NDUFS6: variants seen among roughly 807,000 people sequenced by gnomAD.
The protein encoded by NDUFS6 is NADH dehydrogenase [ubiquinone] iron-sulfur protein 6, mitochondrial.
A neutral mutation model predicts 13.2 loss-of-function variants in NDUFS6; 14 were observed. The observed-to-expected ratio is 1.06, with a 90% CI of 0.70 to 1.66. The LOEUF (loss-of-function observed/expected upper bound fraction) is 1.66. NDUFS6 is among the 40% of genes most tolerant of loss of function. NDUFS6 has a pLI of 0.00. For synonymous variants in NDUFS6, 95 were observed against 72.3 expected (o/e 1.31, Z -1.60); for missense variants, 206 against 170.8 (o/e 1.21, Z -1.15).
At chr5:1,808,263 A>G (rs1734159134) in intron 2 of NDUFS6, among the ~76,000 whole-genome samples, 2 of 152,176 alleles carry the variant, frequency 1.3e-5, no homozygotes, top group East Asian at 1.9e-4. Context: ...GATGTGCGCC[A>G]TGGCTGCTCT....
At chr5:1,803,188 C>A (rs1734076859) in intron 2 of NDUFS6, among the ~76,000 whole-genome samples, 1 of 152,214 alleles carries the variant, frequency 6.6e-6, no homozygotes, top group South Asian at 2.1e-4. Context: ...TTTTGTACGT[C>A]TATTCCAGAG....
At chr5:1,802,066 T>C in intron 1 of NDUFS6, 1 of 507,072 alleles carries the variant, frequency 2.0e-6, no homozygotes, top group Non-Finnish European at 3.5e-6. Flanking sequence ...GGTCAGGATT[T>C]GTCTCTCCTC....
At chr5:1,811,024 TGAA>T (rs1439999408) in intron 2 of NDUFS6, among the ~76,000 whole-genome samples, 1 of 152,222 alleles carries the variant, frequency 6.6e-6, no homozygotes, top group Non-Finnish European at 1.5e-5. Flanking sequence ...ATGATGAGGA[TGAA>T]GACCTTTATG....
At chr5:1,812,689 A>G (rs186104414) in intron 2 of NDUFS6, among the ~76,000 whole-genome samples, 10 of 151,520 alleles carry the variant, frequency 6.6e-5, no homozygotes, top group African/African-American at 1.9e-4. Context: ...TGGTGTTTAG[A>G]GACCACCATG....
chr5:1,807,691 A>G (rs567860747), intron 2 of NDUFS6, among the ~76,000 whole-genome samples: 146 of 152,320 alleles, frequency 9.6e-4, no homozygotes, highest in Middle Eastern at 3.4e-3. Flanking sequence ...CACTCCTCGG[A>G]TCAGCAGTGG....
At chr5:1,811,690 A>G (rs758476611) in intron 2 of NDUFS6, among the ~76,000 whole-genome samples, 9 of 152,206 alleles carry the variant, frequency 5.9e-5, no homozygotes, top group Non-Finnish European at 1.3e-4. Context: ...GTGTTGTTGA[A>G]CATGTCTCTT....
At chr5:1,801,748 C>T (rs1734046997) in intron 1 of NDUFS6, among the ~76,000 whole-genome samples, 199 bp downstream of exon 1, 1 of 152,238 alleles carries the variant, frequency 6.6e-6, no homozygotes, top group Admixed American at 6.5e-5. Context: ...TGGGTCTCGT[C>T]CTTCCAGGGC....
intron 2 of NDUFS6, among the ~76,000 whole-genome samples, chr5:1,807,625 C>T (rs1049664639): frequency 2.6e-5 from 4 of 152,180 alleles, no homozygotes; most frequent in Non-Finnish European, 5.9e-5. Context: ...CACGCGGCAC[C>T]TCCAGAGGCT....
In NDUFS6 at chr5:1,815,961, C is replaced by G. The variant is rs938284928; in HGVS notation, c.*45C>G. On this transcript the variant is annotated 3_prime_UTR_variant, in exon 4 of 4. Coordinates refer to ENST00000274137, the MANE Select transcript of NDUFS6 (RefSeq NM_004553.6). ...GTCCCGCAGCATCCTGTGAGCATTT[C>G]CGCGGGGAAGCTGAGCACGTGAAGC... 5.0e-6 allele frequency: 8 copies of G among 1,605,916 alleles called. No individual in the cohort carries two copies. The highest frequency in any genetic ancestry group is 1.7e-6 in the Non-Finnish European group (2 of 1,172,562).
chr5:1,815,717 C>T, intron 3 of NDUFS6, 134 bp from the exon 4 acceptor site: 1 of 925,992 alleles, frequency 1.1e-6, no homozygotes, highest in Non-Finnish European at 1.7e-6. Flanking sequence ...CGACAGTCTG[C>T]ATTCTTACTT....
At position 1,815,563 on chromosome 5, in the gene NDUFS6, C is replaced by T. The variant is rs114492022; in HGVS notation, c.310-288C>T. Among the ~76,000 whole-genome samples, 1,820 of 152,272 alleles carry T rather than the reference C, an allele frequency of 0.012. 32 individuals carry two copies. Among genetic ancestry groups the T allele is most frequent in the African/African-American group, 0.04 (1,668 of 41,566 alleles). On this transcript the variant is annotated intron_variant, in intron 3 of 3. Coordinates refer to ENST00000274137, the MANE Select transcript of NDUFS6 (RefSeq NM_004553.6). The stretch of plus-strand genomic sequence containing the variant: ...GTGCCTCACTGTCGTGTGCAGCACC[C>T]ACCGCCTGCTCCAGGCCGCTGAGGT...
Position 1,815,958 on chromosome 5 carries a change from T to G in NDUFS6, c.*42T>G. On this transcript the variant is annotated 3_prime_UTR_variant, in exon 4 of 4. Coordinates refer to ENST00000274137, the MANE Select transcript of NDUFS6 (RefSeq NM_004553.6). ...GGGGTCCCGCAGCATCCTGTGAGCA[T>G]TTCCGCGGGGAAGCTGAGCACGTGA... is the stretch of plus-strand genomic sequence containing the variant. The G allele has an allele frequency of 1.9e-6, 3 of 1,608,308 alleles. No individual in the cohort carries two copies. The highest frequency in any genetic ancestry group is 2.6e-6 in the Non-Finnish European group (3 of 1,174,660).
At chr5:1,805,702 C>T (rs1561104059) in intron 2 of NDUFS6, among the ~76,000 whole-genome samples, 1 of 152,172 alleles carries the variant, frequency 6.6e-6, no homozygotes, top group African/African-American at 2.4e-5. Flanking sequence ...GCTTTATAGT[C>T]GTACAAGTAA....
intron 2 of NDUFS6, among the ~76,000 whole-genome samples, chr5:1,811,343 C>T (rs1354750419): frequency 6.6e-6 from 1 of 152,006 alleles, no homozygotes; most frequent in Non-Finnish European, 1.5e-5. Flanking sequence ...ACATTCAGAT[C>T]TTACAGGGAA....
Position 1,814,495 on chromosome 5 carries a change from C to A in NDUFS6, c.309+34C>A. The A allele has an allele frequency of 6.2e-7, 1 of 1,614,048 alleles. No homozygotes were observed. The highest frequency in any genetic ancestry group is 8.5e-7 in the Non-Finnish European group (1 of 1,179,996). ...CTGGCCACCTGTGCACATGTTAGGG[C>A]AGCCTGCTCGTCCTCATACTCCCCT... On this transcript the variant is annotated intron_variant, in intron 3 of 3. Transcript: ENST00000274137. This position sits in a 1 kb window ranked among gnomAD's most constrained non-coding sequence, Gnocchi z 4.9.
intron 2 of NDUFS6, among the ~76,000 whole-genome samples, chr5:1,804,442 AC>A (rs1734094145): frequency 6.6e-6 from 1 of 152,242 alleles, no homozygotes; most frequent in Non-Finnish European, 1.5e-5. Context: ...AGTGTCTGTG[AC>A]CGGCAGCTCA....
At chr5:1,810,921 A>C (rs1734208627) in intron 2 of NDUFS6, among the ~76,000 whole-genome samples, 1 of 152,212 alleles carries the variant, frequency 6.6e-6, no homozygotes, top group African/African-American at 2.4e-5. Flanking sequence ...GTGAACTGTG[A>C]GTCCACTTAA....
chr5:1,804,094 A>T (rs1734089308), intron 2 of NDUFS6, among the ~76,000 whole-genome samples: 1 of 152,128 alleles, frequency 6.6e-6, no homozygotes, highest in Non-Finnish European at 1.5e-5. Flanking sequence ...GTTGTTACTG[A>T]GGTAGTGGCT....
intron 2 of NDUFS6, among the ~76,000 whole-genome samples, chr5:1,808,845 C>A (rs1023703640): frequency 6.6e-6 from 1 of 152,192 alleles, no homozygotes; most frequent in African/African-American, 2.4e-5. Context: ...ACACGTTTAG[C>A]TTAAATAATT....
Sources: allele counts gnomAD v4.1 joint callset (sites outside exome capture counted in the v4.1 genomes callset), GRCh38; gene constraint gnomAD v4.1.1; non-coding constraint Gnocchi (gnomAD v3.1); transcripts MANE v1.5; gene names NCBI Gene and HGNC (gene_info 2026-07-23, HGNC 2026-07-21).